The following FGF14 variants were observed in gnomAD, a reference collection of about 807,000 sequenced individuals.
The protein encoded by FGF14 is fibroblast growth factor homologous factor 4.
Under a neutral mutation model 25.5 loss-of-function variants are expected in FGF14, and 5 were observed. The observed-to-expected ratio is 0.20, with a 90% confidence interval of 0.10 to 0.41. FGF14 has a LOEUF of 0.41. Among genes scored for constraint, FGF14 ranks in the 10% least tolerant of loss-of-function variants. The pLI is 1.00. For missense variants in FGF14, 222 were observed against 320.1 expected, an observed-to-expected ratio of 0.69 and a Z score of 2.34; for synonymous variants, 138 against 118.3, an observed-to-expected ratio of 1.17 and a Z score of -1.08.
chr13:102,038,399 G>A (rs575167924), intron 1 of FGF14, among the ~76,000 whole-genome samples: 8 of 152,186 alleles, frequency 5.3e-5, no homozygotes, highest in African/African-American at 1.4e-4. Context: ...CCTGCTCCTA[G>A]GGTATGCAAA....
At position 101,912,858 on chromosome 13, in the gene FGF14, A is replaced by G. The variant is rs1054993988; in HGVS notation, c.193+3595T>C. Among the ~76,000 whole-genome samples the G allele has an allele frequency of 4.6e-5, 7 of 152,192 alleles. 1 individual carries two copies. Among genetic ancestry groups the G allele is most frequent in the Admixed American group, 3.9e-4 (6 of 15,262 alleles). ...TAGCTTGGGCCTATTAACCTTCCTT[A>G]TTTCACTCCAATCCAAGGGCAATGA... is the stretch of plus-strand genomic sequence containing the variant. On this transcript the variant is annotated intron_variant, in intron 1 of 4. Coordinates refer to ENST00000376143, the MANE Select transcript of FGF14 (RefSeq NM_004115.4).
intron 1 of FGF14, among the ~76,000 whole-genome samples, chr13:102,383,296 T>C (rs1403668973): frequency 1.3e-5 from 2 of 152,126 alleles, no homozygotes; most frequent in Non-Finnish European, 2.9e-5. Flanking sequence ...TTCTTTGAAG[T>C]TGTGTTAGTA....
At chr13:101,775,500 A>T (rs1393820011) in intron 3 of FGF14, among the ~76,000 whole-genome samples, 2 of 146,212 alleles carry the variant, frequency 1.4e-5, no homozygotes, top group African/African-American at 4.9e-5. Flanking sequence ...CACTCTTGTG[A>T]AGAGCCGAGA....
rs992432762 is a variant in FGF14 at position 101,716,432 on chromosome 13, C to T, written c.*6399G>A. On this transcript the variant is annotated 3_prime_UTR_variant, in exon 5 of 5. Coordinates refer to ENST00000376143, the MANE Select transcript of FGF14 (RefSeq NM_004115.4). ...ATTTAACATTTTAAATAAATAGTGA[C>T]AGAAGTTGTTTATACTCTGTGTCAG... 6.6e-6 allele frequency: 1 copy of T among 152,000 alleles called. No individual in the cohort carries two copies. The highest frequency in any genetic ancestry group is 2.4e-5 in the African/African-American group (1 of 41,374). The allele number at this position is 152,000 out of a possible 1,614,324, so 9.4% of individuals were successfully genotyped here.
intron 1 of FGF14, among the ~76,000 whole-genome samples, chr13:102,136,198 CT>C (rs907000020): frequency 6.6e-6 from 1 of 152,032 alleles, no homozygotes; most frequent in Admixed American, 6.6e-5. Flanking sequence ...AATGCAAACA[CT>C]GATAGTTGAT....
intron 1 of FGF14, among the ~76,000 whole-genome samples, chr13:102,209,596 G>C (rs112149059): frequency 6.6e-6 from 1 of 152,160 alleles, no homozygotes; most frequent in South Asian, 2.1e-4. Flanking sequence ...TCCAGTGAGA[G>C]GCAGCTATAA....
chr13:102,401,809 A>T, upstream of FGF14: 1 of 790,142 alleles, frequency 1.3e-6, no homozygotes. Flanking sequence ...TCACCACCGG[A>T]TTATTACCAA....
chr13:102,278,184 TA>T (rs1354273619), intron 1 of FGF14, among the ~76,000 whole-genome samples: 1 of 152,174 alleles, frequency 6.6e-6, no homozygotes, highest in Non-Finnish European at 1.5e-5. Flanking sequence ...CATAGCCCAT[TA>T]AAAGAGGCAA....
intron 1 of FGF14, among the ~76,000 whole-genome samples, chr13:102,215,584 T>C (rs994472423): frequency 6.6e-6 from 1 of 152,160 alleles, no homozygotes; most frequent in Non-Finnish European, 1.5e-5. Context: ...TGATATTTGG[T>C]CCTAACAGCC....
intron 1 of FGF14, among the ~76,000 whole-genome samples, chr13:102,025,021 A>ATAAT (rs534732675): frequency 0.02 from 3,068 of 151,274 alleles, 103 homozygotes; most frequent in African/African-American, 0.071. Context: ...ACATGCATAT[A>ATAAT]TATATATTCA....
At chr13:101,951,032 G>A (rs1295181273) in intron 1 of FGF14, among the ~76,000 whole-genome samples, 1 of 152,036 alleles carries the variant, frequency 6.6e-6, no homozygotes, top group East Asian at 1.9e-4. Flanking sequence ...TTAATGTGGG[G>A]TGAATAATGA....
intron 3 of FGF14, among the ~76,000 whole-genome samples, chr13:101,852,856 G>T (rs1021248653): frequency 6.6e-6 from 1 of 152,052 alleles, no homozygotes; most frequent in Non-Finnish European, 1.5e-5. Flanking sequence ...TGGTGTCCTT[G>T]ATTATATTCA....
rs1045561778 is a variant in FGF14 at position 101,820,881 on chromosome 13, T to C, written c.408+47844A>G. 2.2e-4 allele frequency among the ~76,000 whole-genome samples: 22 copies of C among 101,196 alleles called. 1 individual carries two copies. Among genetic ancestry groups the C allele is most frequent in the Non-Finnish European group, 4.5e-4 (19 of 42,408 alleles). 66.4% of individuals were successfully genotyped at this position (101,196 alleles called of 152,430 possible). ...ATTTTTAGCACTGGAGATACACTTG[T>C]GCTTCTTTTTAGTCCAGTCTCCCCC... On this transcript the variant is annotated intron_variant, in intron 3 of 4. Transcript: ENST00000376143.
rs548242109 is a variant in FGF14, at chr13:102,296,428, A to C, written c.208+105043T>G. On this transcript the variant is annotated intron_variant, in intron 1 of 4. Transcript: ENST00000376131. The stretch of plus-strand genomic sequence containing the variant: ...ACTTTGCATTTTTGGGGTGGTCTGC[A>C]GAATAGGGCAATGGACTTATGGACA... 5.3e-5 allele frequency among the ~76,000 whole-genome samples: 8 copies of C among 152,282 alleles called. 1 individual carries two copies. Among genetic ancestry groups the C allele is most frequent in the Admixed American group, 4.6e-4 (7 of 15,284 alleles).
At chr13:102,240,084 T>C (rs368554937) in intron 1 of FGF14, among the ~76,000 whole-genome samples, 14 of 152,216 alleles carry the variant, frequency 9.2e-5, no homozygotes, top group African/African-American at 3.4e-4. Flanking sequence ...CATAGCATAG[T>C]CTATCTCAAG....
chr13:102,193,226 G>A (rs570801444), intron 1 of FGF14, among the ~76,000 whole-genome samples: 14 of 152,204 alleles, frequency 9.2e-5, no homozygotes, highest in African/African-American at 3.4e-4. Context: ...AGGTTCTGGT[G>A]GGAGCTCTCC....
chr13:102,018,824 T>A (rs957559911), intron 1 of FGF14, among the ~76,000 whole-genome samples: 17 of 152,292 alleles, frequency 1.1e-4, no homozygotes, highest in Middle Eastern at 3.4e-3. Flanking sequence ...GCAGCTTTTT[T>A]AAAATGAGCT....
intron 1 of FGF14, among the ~76,000 whole-genome samples, chr13:102,049,137 C>T (rs1402697944): frequency 6.6e-6 from 1 of 151,872 alleles, no homozygotes; most frequent in African/African-American, 2.4e-5. Context: ...AAAAAAAATA[C>T]AATCAATATA....
intron 1 of FGF14, among the ~76,000 whole-genome samples, chr13:102,153,986 T>A (rs1470986617): frequency 2.6e-5 from 4 of 152,130 alleles, no homozygotes; most frequent in African/African-American, 9.7e-5. Flanking sequence ...AATCAATATT[T>A]AAAGAGGTTA....
Sources: gnomAD v4.1 joint callset for allele counts (sites outside exome capture counted in the v4.1 genomes callset) on GRCh38, gnomAD v4.1.1 for gene constraint, MANE v1.5 for transcripts, NCBI Gene and HGNC (gene_info 2026-07-23, HGNC 2026-07-21) for gene names.